RPF2: variants seen among roughly 807,000 people sequenced by gnomAD.
RPF2 encodes the protein brix domain containing 1.
A neutral mutation model predicts 38.9 loss-of-function variants in RPF2; 21 were observed. The ratio of observed to expected loss-of-function variants is 0.54; its 90% confidence interval spans 0.38 to 0.78. RPF2 has a LOEUF of 0.78. RPF2 is among the 30% of genes least tolerant of loss of function. The pLI, the probability that RPF2 is intolerant of heterozygous loss-of-function variation, is 0.00. For synonymous variants in RPF2, 121 were observed against 126.2 expected (o/e 0.96, Z 0.28); for missense variants, 314 against 358.1 (o/e 0.88, Z 0.99).
chr6:111,020,791 G>A (rs1037345992), intron 8 of RPF2, among the ~76,000 whole-genome samples: 3 of 152,150 alleles, frequency 2.0e-5, no homozygotes, highest in Non-Finnish European at 4.4e-5. Flanking sequence ...GGCAGAGGTT[G>A]CAGTGAGCCA....
intron 8 of RPF2, among the ~76,000 whole-genome samples, chr6:111,019,774 G>C (rs1772196959): frequency 6.6e-6 from 1 of 152,060 alleles, no homozygotes; most frequent in East Asian, 1.9e-4. Flanking sequence ...ATTACCTTCA[G>C]GCTATGTATA....
chr6:111,021,481 G>C (rs1376194843), intron 8 of RPF2, among the ~76,000 whole-genome samples: 1 of 152,180 alleles, frequency 6.6e-6, no homozygotes, highest in Non-Finnish European at 1.5e-5. Context: ...TGCCACACTT[G>C]GGGAGCATTG....
At chr6:111,024,586 G>A (rs565532053) in intron 9 of RPF2, among the ~76,000 whole-genome samples, 74 of 151,768 alleles carry the variant, frequency 4.9e-4, no homozygotes, top group Admixed American at 9.9e-4. Context: ...GGTAGCGGGC[G>A]CCTGTAGTCC....
chr6:111,002,215 G>A (rs531991820), intron 6 of RPF2, among the ~76,000 whole-genome samples: 1 of 152,324 alleles, frequency 6.6e-6, no homozygotes, highest in South Asian at 2.1e-4. Flanking sequence ...AGGAGGTGGA[G>A]GTTGCAGTGA....
At chr6:111,020,200 G>A (rs1772207092) in intron 8 of RPF2, among the ~76,000 whole-genome samples, 1 of 151,938 alleles carries the variant, frequency 6.6e-6, no homozygotes, top group Non-Finnish European at 1.5e-5. Context: ...TTACAGGCAT[G>A]AGCCACCGCG....
Position 111,025,405 on chromosome 6 carries a change from A to G in RPF2, c.744A>G (p.Pro248=). The G allele has an allele frequency of 2.5e-6, 4 of 1,596,120 alleles. No individual in the cohort carries two copies. Among genetic ancestry groups the G allele is most frequent in the Middle Eastern group, 1.7e-4 (1 of 5,992 alleles). The change falls in exon 10 of 10, where the codon CCA becomes CCG. Residue 248 remains proline, a splice_region_variant and synonymous_variant. Coordinates refer to ENST00000441448, the MANE Select transcript of RPF2 (RefSeq NM_032194.3). ...LSMKMPKALK[P]KKKKNISHDT... ...ATATACATATTCTTTTATCGTAGCC[A>G]AAGAAGAAGAAAAATATTTCCCATG... is the stretch of plus-strand genomic sequence containing the variant.
chr6:111,021,309 C>G (rs1224401606), intron 8 of RPF2, among the ~76,000 whole-genome samples: 1 of 152,168 alleles, frequency 6.6e-6, no homozygotes, highest in Non-Finnish European at 1.5e-5. Flanking sequence ...ATTTTAAAAT[C>G]AGAGACCCTA....
intron 6 of RPF2, among the ~76,000 whole-genome samples, chr6:111,002,278 T>TA (rs1771822789): frequency 6.6e-6 from 1 of 151,644 alleles, no homozygotes; most frequent in African/African-American, 2.4e-5. Context: ...AGACTTTGTC[T>TA]AAAAAAATAA....
intron 7 of RPF2, among the ~76,000 whole-genome samples, chr6:111,015,001 C>T (rs897984130): frequency 2.0e-5 from 3 of 152,024 alleles, no homozygotes; most frequent in Non-Finnish European, 4.4e-5. Flanking sequence ...TGGCCTCAAA[C>T]TCCTGAGCTT....
intron 8 of RPF2, among the ~76,000 whole-genome samples, chr6:111,020,847 T>C (rs1370484226): frequency 6.9e-6 from 1 of 144,918 alleles, no homozygotes; most frequent in Non-Finnish European, 1.5e-5. Context: ...GAGACTCCAT[T>C]TCAAAAAAAG....
chr6:110,985,152 C>G lies in RPF2; in HGVS notation c.156+14C>G. On this transcript the variant is annotated intron_variant, in intron 2 of 9. Transcript: ENST00000441448. ...CTTAAAGATGTGGTAAGTATATATA[C>G]TTAATCTTTAAAAGGTATTGAAGTC... The G allele has an allele frequency of 6.3e-7, 1 of 1,596,940 alleles. No individual in the cohort carries two copies. Among genetic ancestry groups the G allele is most frequent in the South Asian group, 1.1e-5 (1 of 88,248 alleles).
At chr6:111,019,287 G>A (rs554366073) in intron 8 of RPF2, among the ~76,000 whole-genome samples, 45 of 152,320 alleles carry the variant, frequency 3.0e-4, no homozygotes, top group African/African-American at 1.0e-3. Context: ...GCTGTGGCAT[G>A]AGAATTGCTT....
chr6:111,022,851 A>T (rs1289860351), intron 8 of RPF2, among the ~76,000 whole-genome samples: 1 of 152,212 alleles, frequency 6.6e-6, no homozygotes, highest in Non-Finnish European at 1.5e-5. Context: ...TTTTAAGTGG[A>T]AGAAAAAATT....
intron 6 of RPF2, among the ~76,000 whole-genome samples, chr6:111,004,618 T>C (rs1262661718): frequency 1.3e-5 from 2 of 151,746 alleles, no homozygotes; most frequent in African/African-American, 2.4e-5. Flanking sequence ...CTATCTCAGC[T>C]CACTGCAACC....
At chr6:110,983,603 A>G (rs1771468895) in intron 1 of RPF2, among the ~76,000 whole-genome samples, 1 of 152,118 alleles carries the variant, frequency 6.6e-6, no homozygotes, top group Non-Finnish European at 1.5e-5. Flanking sequence ...TTGGCCTCCT[A>G]GAGTGTTTTT....
intron 8 of RPF2, among the ~76,000 whole-genome samples, chr6:111,019,957 C>T (rs1772201787): frequency 6.7e-6 from 1 of 149,802 alleles, no homozygotes; most frequent in African/African-American, 2.5e-5. Context: ...CTATGTTGCC[C>T]AGGCTGGAGT....
chr6:111,021,602 T>C (rs913212136), intron 8 of RPF2, among the ~76,000 whole-genome samples: 5 of 152,044 alleles, frequency 3.3e-5, no homozygotes, highest in African/African-American at 1.2e-4. Context: ...CTTCTCAGGG[T>C]CTTTGTTTCT....
At chr6:111,017,348 G>A (rs1211817511) in intron 8 of RPF2, among the ~76,000 whole-genome samples, 4 of 150,966 alleles carry the variant, frequency 2.6e-5, no homozygotes, top group Non-Finnish European at 4.4e-5. Context: ...CTGGCCGGGC[G>A]GGGGCTGCCC....
intron 7 of RPF2, 79 bp downstream of exon 7, chr6:111,008,216 T>G: frequency 7.0e-7 from 1 of 1,431,170 alleles, no homozygotes; most frequent in South Asian, 1.6e-5. Flanking sequence ...ACTTTGCTAC[T>G]TTAGGTTTGT....
Sources: allele counts gnomAD v4.1 joint callset (sites outside exome capture counted in the v4.1 genomes callset), GRCh38; gene constraint gnomAD v4.1.1; transcripts MANE v1.5; gene names NCBI Gene and HGNC (gene_info 2026-07-23, HGNC 2026-07-21).